Variants in KCNJ13 observed in about 807,000 individuals in gnomAD.
KCNJ13 encodes inward rectifier potassium channel 13.
KCNJ13 carries 9 observed loss-of-function variants against 24.6 expected under a neutral mutation model. That is an observed-to-expected ratio of 0.37 (90% CI 0.22 to 0.64). The LOEUF (loss-of-function observed/expected upper bound fraction) is 0.64. Ranked by LOEUF, KCNJ13 falls within the 30% of genes least tolerant of loss-of-function variation. KCNJ13 has a pLI of 0.64. For missense variants in KCNJ13, 337 were observed against 443.8 expected (o/e 0.76, Z 2.16); for synonymous variants, 148 against 154.7 (o/e 0.96, Z 0.32).
chr2:232,774,957 T>TA (rs1699449761), intron 1 of KCNJ13, among the ~76,000 whole-genome samples: 1 of 152,218 alleles, frequency 6.6e-6, no homozygotes, highest in Non-Finnish European at 1.5e-5. Context: ...GTAGCACTCT[T>TA]ACTCTAGGCT....
intron 1 of KCNJ13, among the ~76,000 whole-genome samples, chr2:232,775,742 A>G (rs1024955840): frequency 2.6e-5 from 4 of 152,242 alleles, no homozygotes; most frequent in Admixed American, 6.5e-5. Context: ...ATGATAAAAA[A>G]TAGTATAGTT....
chr2:232,766,389 T>C lies in KCNJ13; in HGVS notation c.*1802A>G. ...TTTTACTCATTCACTTATGTCACCT[T>C]GGGCAGCTTCACTTAACAAGCGAGA... On this transcript the variant is annotated 3_prime_UTR_variant, in exon 3 of 3. Coordinates refer to ENST00000233826, the MANE Select transcript of KCNJ13 (RefSeq NM_002242.4). 1 of 166,746 alleles carries C rather than the reference T, an allele frequency of 6.0e-6. No individual in the cohort carries two copies. The highest frequency in any genetic ancestry group is 1.3e-5 in the Non-Finnish European group (1 of 76,672). 10.3% of individuals were successfully genotyped at this position (166,746 alleles called of 1,614,324 possible).
In KCNJ13 at chr2:232,766,436, T is replaced by G. The variant is rs1698966461; in HGVS notation, c.*1755A>C. On this transcript the variant is annotated 3_prime_UTR_variant, in exon 3 of 3. Transcript: ENST00000233826. ...GAGAGGGTGAACTGTGTAAGTGATGTAGTGCCTTTAGGAAAAAACATACCA... is the reference window on the plus strand; with the variant it reads ...GAGAGGGTGAACTGTGTAAGTGATGGAGTGCCTTTAGGAAAAAACATACCA... 6.5e-6 allele frequency: 1 copy of G among 154,734 alleles called. No homozygotes were observed. Among genetic ancestry groups the G allele is most frequent in the African/African-American group, 2.4e-5 (1 of 41,462 alleles). The allele number at this position is 154,734 out of a possible 1,614,324, so 9.6% of individuals were successfully genotyped here. A position where few individuals can be genotyped will look rare whatever the true frequency, so the allele number is the denominator to read the frequency against.
intron 1 of KCNJ13, among the ~76,000 whole-genome samples, chr2:232,773,562 A>C (rs1699369191): frequency 6.6e-6 from 1 of 152,190 alleles, no homozygotes; most frequent in Non-Finnish European, 1.5e-5. Context: ...TTGATAGCCA[A>C]ATTTCTAGCA....
chr2:232,775,883 C>T lies in KCNJ13; in HGVS notation c.-17+562G>A, dbSNP rs564517128. ...AAAGTCTTATAATGATTTCTCCTGC[C>T]CTCCACAATTAGGGCAAACACTATT... On this transcript the variant is annotated intron_variant, in intron 1 of 2. Transcript: ENST00000233826. Among the ~76,000 whole-genome samples the T allele has an allele frequency of 1.3e-4, 20 of 152,150 alleles. No individual in the cohort carries two copies. The South Asian group carries it at 3.9e-3, about 30-fold the overall frequency.
Position 232,765,908 on chromosome 2 carries a change from T to C in KCNJ13, c.*2283A>G. 2.2e-6 allele frequency: 1 copy of C among 446,726 alleles called. No homozygotes were observed. The highest frequency in any genetic ancestry group is 4.6e-6 in the Non-Finnish European group (1 of 215,118). 27.7% of individuals were successfully genotyped at this position (446,726 alleles called of 1,614,324 possible). ...CTTTATCAGTTTCCAAAGGAACGTT[T>C]AAAGTTAGTTCCGAAGTAGTCTTCC... On this transcript the variant is annotated 3_prime_UTR_variant, in exon 3 of 3. Coordinates refer to ENST00000233826, the MANE Select transcript of KCNJ13 (RefSeq NM_002242.4).
At chr2:232,773,830 G>A (rs1040337513) in intron 1 of KCNJ13, among the ~76,000 whole-genome samples, 1 of 151,122 alleles carries the variant, frequency 6.6e-6, no homozygotes, top group Non-Finnish European at 1.5e-5. Flanking sequence ...CCAGCACTTC[G>A]GGAGGCCGAG....
In KCNJ13 at chr2:232,771,143, G is replaced by A; in HGVS notation, c.220C>T (p.Leu74Phe). The change falls in exon 2 of 3, where the codon CTC (leucine) becomes TTC (phenylalanine). Residue 74 changes from leucine (L) to phenylalanine (F), a missense_variant. Physicochemically the swap from Leu to Phe is conservative, Grantham distance 22. Coordinates refer to ENST00000233826, the MANE Select transcript of KCNJ13 (RefSeq NM_002242.4). Reference protein sequence around the residue: ...FVVHWLVFAVLWYVLAEMNGD... With the variant: ...FVVHWLVFAVFWYVLAEMNGD... ...TTCATCTCAGCCAGAACATACCAGAGCACTGCAAAGACAAGCCAGTGGACA... is the reference window on the plus strand; with the variant it reads ...TTCATCTCAGCCAGAACATACCAGAACACTGCAAAGACAAGCCAGTGGACA... 6.2e-7 allele frequency: 1 copy of A among 1,614,014 alleles called. No individual in the cohort carries two copies. Among genetic ancestry groups the A allele is most frequent in the Non-Finnish European group, 8.5e-7 (1 of 1,179,966 alleles).
At chr2:232,769,622 T>C (rs988477951) in intron 2 of KCNJ13, among the ~76,000 whole-genome samples, 6 of 152,008 alleles carry the variant, frequency 3.9e-5, no homozygotes, top group Non-Finnish European at 5.9e-5. Context: ...GACTATCAGG[T>C]AATTTCAGTG....
chr2:232,768,370 G>A lies in KCNJ13; in HGVS notation c.904C>T (p.Leu302=), dbSNP rs771899391. ...TCACCTTTGGAACCTCGGGTCAACA[G>A]AGATGCAAAACAGTGATGTAACATG... The part of the protein sequence containing the change: ...EIMLHHCFAS[L]LTRGSKGEYQ... The change falls in exon 3 of 3, where the codon CTG becomes TTG. Residue 302 remains leucine, a synonymous_variant. Transcript: ENST00000233826. The A allele has an allele frequency of 8.7e-6, 14 of 1,614,046 alleles. No individual in the cohort carries two copies. The Admixed American group carries it at 2.3e-4, about 27-fold the overall frequency.
At chr2:232,772,935 C>G (rs1699329815) in intron 1 of KCNJ13, among the ~76,000 whole-genome samples, 1 of 152,018 alleles carries the variant, frequency 6.6e-6, no homozygotes, top group South Asian at 2.1e-4. Context: ...ATATTGGCCA[C>G]CTGGGTATAT....
At chr2:232,774,577 A>AT (rs1458491496) in intron 1 of KCNJ13, among the ~76,000 whole-genome samples, 4 of 152,184 alleles carry the variant, frequency 2.6e-5, no homozygotes, top group Non-Finnish European at 5.9e-5. Context: ...ATAATAAAAG[A>AT]TTTTGACACA....
rs1699038967 is a variant in KCNJ13, at chr2:232,767,852, A to G, written c.*339T>C. 7.2e-6 allele frequency: 2 copies of G among 279,116 alleles called. No homozygotes were observed. Among genetic ancestry groups the G allele is most frequent in the Non-Finnish European group, 1.4e-5 (2 of 145,972 alleles). The allele number at this position is 279,116 out of a possible 1,614,324, so 17.3% of individuals were successfully genotyped here. A position where few individuals can be genotyped will look rare whatever the true frequency, so the allele number is the denominator to read the frequency against. On this transcript the variant is annotated 3_prime_UTR_variant, in exon 3 of 3. Transcript: ENST00000233826. ...GATGAAAATGAGAGATTAATGGTTGATTTTCTTAGAGTTCAGTTGTGTTAA... is the reference window on the plus strand; with the variant it reads ...GATGAAAATGAGAGATTAATGGTTGGTTTTCTTAGAGTTCAGTTGTGTTAA...
At position 232,768,802 on chromosome 2, in the gene KCNJ13, C is replaced by A. The variant is rs1346773854; in HGVS notation, c.472G>T (p.Ala158Ser). Residue 158 changes from alanine (A) to serine (S), a missense_variant, in exon 3 of 3, where the codon GCG (alanine) becomes TCG (serine). Ala to Ser is a moderately conservative substitution (Grantham distance 99). Coordinates refer to ENST00000233826, the MANE Select transcript of KCNJ13 (RefSeq NM_002242.4). ...LEAFITGAFVAKIARPKNRAF... is the reference protein window; with the variant it reads ...LEAFITGAFVSKIARPKNRAF... ...CGATTTTTTGGCCGGGCAATCTTCG[C>A]CACAAAAGCACCTAAATAAGAAATT... 6.2e-7 allele frequency: 1 copy of A among 1,604,324 alleles called. No individual in the cohort carries two copies. Among genetic ancestry groups the A allele is most frequent in the Non-Finnish European group, 8.5e-7 (1 of 1,173,236 alleles).
At chr2:232,769,094 G>T (rs1699106949) in intron 2 of KCNJ13, among the ~76,000 whole-genome samples, 1 of 152,122 alleles carries the variant, frequency 6.6e-6, no homozygotes, top group Admixed American at 6.5e-5. Context: ...CAAAGTCAAA[G>T]AATTGGTCAT....
chr2:232,768,100 G>T lies in KCNJ13; in HGVS notation c.*91C>A. ...ACCGTGATGTAGAGAGCTATAATTA[G>T]CATTGAAAAAAGAAAACATGAGATA... On this transcript the variant is annotated 3_prime_UTR_variant, in exon 3 of 3. Transcript: ENST00000233826. 1 of 1,266,714 alleles carries T rather than the reference G, an allele frequency of 7.9e-7. No homozygotes were observed. Among genetic ancestry groups the T allele is most frequent in the Non-Finnish European group, 1.1e-6 (1 of 872,738 alleles). 78.5% of individuals were successfully genotyped at this position (1,266,714 alleles called of 1,614,324 possible). A position where few individuals can be genotyped will look rare whatever the true frequency, so the allele number is the denominator to read the frequency against.
chr2:232,765,808 G>C lies in KCNJ13; in HGVS notation c.*2383C>G. 2.4e-6 allele frequency: 1 copy of C among 418,846 alleles called. No homozygotes were observed. Among genetic ancestry groups the C allele is most frequent in the South Asian group, 1.8e-5 (1 of 54,638 alleles). The allele number at this position is 418,846 out of a possible 1,614,324, so 25.9% of individuals were successfully genotyped here. A position where few individuals can be genotyped will look rare whatever the true frequency, so the allele number is the denominator to read the frequency against. On this transcript the variant is annotated 3_prime_UTR_variant, in exon 3 of 3. Transcript: ENST00000233826. ...TTCTGGTACTTGGTAGTATGGGCTT[G>C]TACATATGTAAAACTAGGCCCCTGA...
In KCNJ13 at chr2:232,768,229, C is replaced by T; in HGVS notation, c.1045G>A (p.Asp349Asn). ...CCTGTTTCAGAGATCTGAAAATTGT[C>T]AATGCTTTGTCCATTGATGTGGATA... ...LDIHINGQSI[D>N]NFQISETGLT... The change falls in exon 3 of 3, where the codon GAC becomes AAC. Residue 349 changes from aspartate to asparagine, a missense_variant. This residue lies in a region of KCNJ13 where 235 missense variants were observed against 286.9 expected (regional missense o/e 0.82). Transcript: ENST00000233826. The T allele has an allele frequency of 6.2e-7, 1 of 1,614,046 alleles. No individual in the cohort carries two copies. Among genetic ancestry groups the T allele is most frequent in the Non-Finnish European group, 8.5e-7 (1 of 1,179,974 alleles).
chr2:232,771,043 G>A lies in KCNJ13; in HGVS notation c.320C>T (p.Thr107Ile). Reference sequence around the variant, plus strand: ...CTCCAGGGAGAAGGAGAATGCAGCTGTGAAACTGGTGATATACTTGACACA... The same window carrying A: ...CTCCAGGGAGAAGGAGAATGCAGCTATGAAACTGGTGATATACTTGACACA... The part of the protein sequence containing the change: ...TICVKYITSF[T>I]AAFSFSLETQ... The change falls in exon 2 of 3, where the codon ACA (threonine) becomes ATA (isoleucine). Residue 107 changes from threonine to isoleucine, a missense_variant. By Grantham distance (89) the Thr-to-Ile change is moderately conservative. Coordinates refer to ENST00000233826, the MANE Select transcript of KCNJ13 (RefSeq NM_002242.4). The A allele has an allele frequency of 1.2e-6, 2 of 1,614,098 alleles. No homozygotes were observed. The highest frequency in any genetic ancestry group is 1.7e-6 in the Non-Finnish European group (2 of 1,179,970).
Sources: allele counts gnomAD v4.1 joint callset (sites outside exome capture counted in the v4.1 genomes callset), GRCh38; gene constraint gnomAD v4.1.1; regional missense constraint gnomAD v4.1.1; transcripts MANE v1.5; gene names NCBI Gene and HGNC (gene_info 2026-07-23, HGNC 2026-07-21).